TRABD2B: variants seen among roughly 807,000 people sequenced by gnomAD.
TRABD2B encodes TraB domain containing 2B.
TRABD2B carries 14 observed loss-of-function variants against 40.1 expected under a neutral mutation model. That is an observed-to-expected ratio of 0.35 (90% confidence interval 0.23 to 0.55). The LOEUF is 0.55. Ranked by LOEUF, TRABD2B falls within the 20% of genes least tolerant of loss-of-function variation. The pLI is 0.90. For missense variants in TRABD2B, 541 were observed against 648.6 expected, an observed-to-expected ratio of 0.83 and a Z score of 1.80; for synonymous variants, 263 against 277.0, an observed-to-expected ratio of 0.95 and a Z score of 0.50.
chr1:47,907,711 G>A (rs933583036), intron 2 of TRABD2B, among the ~76,000 whole-genome samples: 3 of 152,208 alleles, frequency 2.0e-5, no homozygotes, highest in African/African-American at 7.2e-5. Flanking sequence ...GAGGCCATGA[G>A]AAAAGCAAAA....
chr1:47,783,185 G>A (rs768302963), intron 4 of TRABD2B, among the ~76,000 whole-genome samples: 1 of 151,972 alleles, frequency 6.6e-6, no homozygotes, highest in African/African-American at 2.4e-5. Flanking sequence ...GAGCAGAAAG[G>A]CAATGTGGAG....
chr1:47,847,133 G>A (rs1384125399), intron 2 of TRABD2B, among the ~76,000 whole-genome samples: 1 of 152,198 alleles, frequency 6.6e-6, no homozygotes, highest in African/African-American at 2.4e-5. Context: ...CCTTCTTGGG[G>A]GAACTTGGAG....
intron 2 of TRABD2B, chr1:47,819,374 G>A (rs1354526638): frequency 6.6e-6 from 1 of 152,238 alleles, no homozygotes; most frequent in Non-Finnish European, 1.5e-5. Flanking sequence ...TCCTGGATCT[G>A]ATTTTATTTA....
intron 4 of TRABD2B, among the ~76,000 whole-genome samples, chr1:47,780,989 G>A (rs1229788882): frequency 6.6e-6 from 1 of 152,242 alleles, no homozygotes; most frequent in Non-Finnish European, 1.5e-5. Flanking sequence ...TGGGGCAACT[G>A]TAAAGCCCTA....
In TRABD2B at chr1:47,996,887, G is replaced by C. The variant is rs1327907572; in HGVS notation, c.-98C>G. The C allele has an allele frequency of 1.6e-5, 18 of 1,133,842 alleles. No individual in the cohort carries two copies. Among genetic ancestry groups the C allele is most frequent in the Admixed American group, 4.9e-5 (1 of 20,598 alleles). 70.2% of individuals were successfully genotyped at this position (1,133,842 alleles called of 1,614,324 possible). A position where few individuals can be genotyped will look rare whatever the true frequency, so the allele number is the denominator to read the frequency against. On this transcript the variant is annotated 5_prime_UTR_variant, in exon 1 of 7. Transcript: ENST00000606738. The surrounding 1 kb of genome is among the most constrained non-coding windows in gnomAD (Gnocchi z 4.6). ...GGGCACGGAGTTTCCTCTGGAGCAC[G>C]GGGCTCCAGCCGCAGGATGCTGGGC...
At chr1:47,913,704 C>T (rs1303064198) in intron 2 of TRABD2B, among the ~76,000 whole-genome samples, 2 of 152,196 alleles carry the variant, frequency 1.3e-5, no homozygotes, top group Admixed American at 1.3e-4. Context: ...TTTCCTACCT[C>T]ATCATGCTGC....
Position 47,763,850 on chromosome 1 carries a change from C to T in TRABD2B, c.*2052G>A, listed in dbSNP as rs1046358469. ...CAACTTCTGAGCCTGCTTTATAAGT[C>T]AGCTAAGCCCCTTCCCGCTCAGAAA... On this transcript the variant is annotated 3_prime_UTR_variant, in exon 7 of 7. Coordinates refer to ENST00000606738, the MANE Select transcript of TRABD2B (RefSeq NM_001194986.2). 2 of 152,240 alleles carry T rather than the reference C, an allele frequency of 1.3e-5. No individual in the cohort carries two copies. Among genetic ancestry groups the T allele is most frequent in the African/African-American group, 4.8e-5 (2 of 41,460 alleles). The allele number at this position is 152,240 out of a possible 1,614,324, so 9.4% of individuals were successfully genotyped here.
At chr1:47,774,867 G>A (rs185780650) in intron 6 of TRABD2B, among the ~76,000 whole-genome samples, 6 of 152,320 alleles carry the variant, frequency 3.9e-5, no homozygotes, top group Admixed American at 1.3e-4. Context: ...GACAAATGGC[G>A]CCCTGTTTGT....
intron 2 of TRABD2B, among the ~76,000 whole-genome samples, chr1:47,959,571 CT>C (rs1557680848): frequency 1.3e-5 from 2 of 152,102 alleles, no homozygotes; most frequent in African/African-American, 4.8e-5. Context: ...TCAGAGAATA[CT>C]TTTATAAATA....
chr1:47,845,411 G>A (rs1287567100), intron 2 of TRABD2B, among the ~76,000 whole-genome samples: 3 of 152,122 alleles, frequency 2.0e-5, no homozygotes, highest in East Asian at 3.8e-4. Context: ...GTAAAACCTT[G>A]ACAGCCATGA....
chr1:47,976,053 C>T (rs1205073313), intron 2 of TRABD2B, among the ~76,000 whole-genome samples: 1 of 152,120 alleles, frequency 6.6e-6, no homozygotes, highest in Non-Finnish European at 1.5e-5. Flanking sequence ...TTCAAGGTCC[C>T]CTGCTTCATG....
intron 2 of TRABD2B, among the ~76,000 whole-genome samples, chr1:47,891,158 C>A (rs1474767669): frequency 6.6e-6 from 1 of 152,188 alleles, no homozygotes; most frequent in Non-Finnish European, 1.5e-5. Flanking sequence ...GCTTAGTGTA[C>A]ATAATAATGC....
At chr1:47,885,864 T>G (rs1482258800) in intron 2 of TRABD2B, among the ~76,000 whole-genome samples, 1 of 152,230 alleles carries the variant, frequency 6.6e-6, no homozygotes, top group East Asian at 1.9e-4. Flanking sequence ...CATTGCTTGC[T>G]GATAAATGAC....
chr1:47,819,059 C>T (rs1645072801), intron 2 of TRABD2B: 1 of 152,252 alleles, frequency 6.6e-6, no homozygotes, highest in African/African-American at 2.4e-5. Context: ...TAAACCATCC[C>T]AGTGCTGACA....
At chr1:47,804,620 A>T (rs1644867187) in intron 2 of TRABD2B, among the ~76,000 whole-genome samples, 1 of 152,154 alleles carries the variant, frequency 6.6e-6, no homozygotes, top group Non-Finnish European at 1.5e-5. Context: ...CAATCATGCA[A>T]CCATCACAGA....
At chr1:47,976,954 T>C (rs558114808) in intron 2 of TRABD2B, among the ~76,000 whole-genome samples, 3 of 152,276 alleles carry the variant, frequency 2.0e-5, no homozygotes, top group South Asian at 2.1e-4. Flanking sequence ...AACCAGGGAA[T>C]TGAGGTTGAT....
intron 2 of TRABD2B, among the ~76,000 whole-genome samples, chr1:47,955,393 T>C (rs2148392860): frequency 6.6e-6 from 1 of 152,272 alleles, no homozygotes. Flanking sequence ...CGTCACCATC[T>C]GATCCATTAT....
chr1:47,935,510 A>G (rs553529406), intron 2 of TRABD2B, among the ~76,000 whole-genome samples: 1 of 152,332 alleles, frequency 6.6e-6, no homozygotes, highest in South Asian at 2.1e-4. Flanking sequence ...CAAACTTCAC[A>G]TAAAGAAAGT....
chr1:47,989,484 C>A (rs1279783660), intron 2 of TRABD2B, among the ~76,000 whole-genome samples: 1 of 152,174 alleles, frequency 6.6e-6, no homozygotes, highest in Non-Finnish European at 1.5e-5. Context: ...CATAGGAGCT[C>A]TGACTATAAA....
Sources: gnomAD v4.1 joint callset for allele counts (sites outside exome capture counted in the v4.1 genomes callset) on GRCh38, gnomAD v4.1.1 for gene constraint, Gnocchi (gnomAD v3.1) non-coding constraint, MANE v1.5 for transcripts, NCBI Gene and HGNC (gene_info 2026-07-23, HGNC 2026-07-21) for gene names.